Variants in ANKRD55 observed in about 807,000 individuals in gnomAD.
The protein encoded by ANKRD55 is ankyrin repeat domain-containing protein 55.
In ANKRD55, 41 loss-of-function variants were observed where a neutral mutation model predicts 60.6. The ratio of observed to expected loss-of-function variants is 0.68; its 90% CI spans 0.53 to 0.88. The LOEUF is 0.88. Ranked by LOEUF, ANKRD55 falls within the 40% of genes least tolerant of loss-of-function variation. The pLI is 0.00. For missense variants in ANKRD55, 732 were observed against 767.6 expected, an observed-to-expected ratio of 0.95 and a Z score of 0.55; for synonymous variants, 264 against 290.3, an observed-to-expected ratio of 0.91 and a Z score of 0.92.
At chr5:56,188,696 A>G (rs557053861) in intron 2 of ANKRD55, among the ~76,000 whole-genome samples, 1 of 152,226 alleles carries the variant, frequency 6.6e-6, no homozygotes, top group African/African-American at 2.4e-5. Context: ...TTATGCCAGT[A>G]TCATGCTATT....
chr5:56,184,115 A>G (rs982947873), intron 2 of ANKRD55, among the ~76,000 whole-genome samples: 7 of 152,124 alleles, frequency 4.6e-5, no homozygotes, highest in Admixed American at 3.3e-4. Context: ...CTGAGGACTG[A>G]CCCTTGCCGA....
At chr5:56,203,533 T>C (rs1759428287) in intron 2 of ANKRD55, among the ~76,000 whole-genome samples, 1 of 152,130 alleles carries the variant, frequency 6.6e-6, no homozygotes, top group South Asian at 2.1e-4. Context: ...CCTTCCCCTG[T>C]GTCCATGTGT....
At chr5:56,130,791 G>C (rs1324171798) in intron 7 of ANKRD55, among the ~76,000 whole-genome samples, 1 of 152,178 alleles carries the variant, frequency 6.6e-6, no homozygotes, top group African/African-American at 2.4e-5. Flanking sequence ...GAGATCCTAA[G>C]AGAGAACAAA....
chr5:56,153,064 A>G (rs1221591238), intron 6 of ANKRD55, among the ~76,000 whole-genome samples: 2 of 152,206 alleles, frequency 1.3e-5, no homozygotes. Context: ...TTCAGCATAT[A>G]AACTAAACTC....
At chr5:56,121,986 C>G (rs60520855) in intron 8 of ANKRD55, among the ~76,000 whole-genome samples, 1 of 152,146 alleles carries the variant, frequency 6.6e-6, no homozygotes, top group Non-Finnish European at 1.5e-5. Flanking sequence ...TTTTGGTAAC[C>G]TGTCCCAGTG....
chr5:56,161,735 G>A (rs990637882), intron 5 of ANKRD55, among the ~76,000 whole-genome samples: 2 of 152,150 alleles, frequency 1.3e-5, no homozygotes, highest in African/African-American at 4.8e-5. Context: ...GGGTAGTAAC[G>A]CAGTGGTGTA....
chr5:56,127,690 AC>A (rs2111723158), intron 7 of ANKRD55: 1 of 465,906 alleles, frequency 2.1e-6, no homozygotes, highest in East Asian at 1.5e-4. Context: ...GACTTCGTTT[AC>A]AAAAACAATT....
intron 7 of ANKRD55, 137 bp from the exon 8 acceptor site, chr5:56,127,243 G>T (rs912517172): frequency 2.3e-6 from 3 of 1,292,340 alleles, no homozygotes; most frequent in Non-Finnish European, 2.9e-6. Context: ...AAAAGGAAAT[G>T]GAAAAAAAAG....
chr5:56,153,216 C>T (rs568673292), intron 6 of ANKRD55, among the ~76,000 whole-genome samples: 1 of 152,086 alleles, frequency 6.6e-6, no homozygotes. Context: ...ATGCAAATAA[C>T]AAGAAAATCC....
intron 2 of ANKRD55, among the ~76,000 whole-genome samples, chr5:56,187,916 C>T (rs572323576): frequency 2.0e-4 from 30 of 152,188 alleles, no homozygotes; most frequent in Middle Eastern, 3.4e-3. Flanking sequence ...CAAGGACCCC[C>T]GGTAACAATA....
chr5:56,143,649 C>G, intron 7 of ANKRD55, 152 bp downstream of exon 7: 2 of 1,048,772 alleles, frequency 1.9e-6, no homozygotes, highest in Non-Finnish European at 2.8e-6. Flanking sequence ...TAACTACTCC[C>G]CTTTGCATCT....
intron 1 of ANKRD55, 35 bp from the exon 2 acceptor site, chr5:56,232,981 G>T: frequency 6.8e-7 from 1 of 1,464,318 alleles, no homozygotes; most frequent in Non-Finnish European, 9.6e-7. Flanking sequence ...AAACCTTACT[G>T]TCAACATGAC....
At position 56,232,745 on chromosome 5, in the gene ANKRD55, A is replaced by AACAT. The variant is rs1554045050; in HGVS notation, c.58+110_58+111insATGT. 4.6e-6 allele frequency: 4 copies of AACAT among 871,474 alleles called. No homozygotes were observed. In the African/African-American group the frequency reaches 5.2e-5, roughly 11 times the overall value. 54.0% of individuals were successfully genotyped at this position (871,474 alleles called of 1,614,324 possible). A position where few individuals can be genotyped will look rare whatever the true frequency, so the allele number is the denominator to read the frequency against. ...ATACTCATGCACACCCACGCACATG[A>AACAT]ACACACACACACACACACACACACT... On this transcript the variant is annotated intron_variant, in intron 2 of 11. Transcript: ENST00000341048.
intron 8 of ANKRD55, among the ~76,000 whole-genome samples, chr5:56,123,548 G>C (rs1363342706): frequency 1.3e-5 from 2 of 152,102 alleles, no homozygotes; most frequent in Non-Finnish European, 2.9e-5. Flanking sequence ...TTCTGAAACA[G>C]GACGGGTCCC....
intron 8 of ANKRD55, among the ~76,000 whole-genome samples, chr5:56,121,194 GCA>G (rs1444777390): frequency 6.6e-6 from 1 of 152,016 alleles, no homozygotes; most frequent in Non-Finnish European, 1.5e-5. Flanking sequence ...CAGAACCAAG[GCA>G]CACACAATAA....
chr5:56,104,590 T>A, intron 10 of ANKRD55, among the ~76,000 whole-genome samples: 1 of 152,080 alleles, frequency 6.6e-6, no homozygotes, highest in East Asian at 1.9e-4. Flanking sequence ...CAAGGACCAC[T>A]GTCCTAGAAA....
chr5:56,207,386 T>C (rs1002241971), intron 2 of ANKRD55, among the ~76,000 whole-genome samples: 7 of 152,250 alleles, frequency 4.6e-5, no homozygotes, highest in African/African-American at 1.7e-4. Context: ...GAGTTACATG[T>C]ATTTTTTATT....
intron 2 of ANKRD55, among the ~76,000 whole-genome samples, chr5:56,225,734 AT>A (rs1281563424): frequency 1.3e-5 from 2 of 152,202 alleles, no homozygotes; most frequent in African/African-American, 4.8e-5. Flanking sequence ...CCCATTCACA[AT>A]TGCTTCAAAG....
intron 8 of ANKRD55, among the ~76,000 whole-genome samples, chr5:56,119,780 A>G (rs565326728): frequency 6.6e-6 from 1 of 151,980 alleles, no homozygotes; most frequent in African/African-American, 2.4e-5. Context: ...GTTGGATGTG[A>G]TGGGTACGTG....
Sources: allele counts gnomAD v4.1 joint callset (sites outside exome capture counted in the v4.1 genomes callset), GRCh38; gene constraint gnomAD v4.1.1; transcripts MANE v1.5; gene names NCBI Gene and HGNC (gene_info 2026-07-23, HGNC 2026-07-21).